MAN1A1: variants seen among roughly 807,000 people sequenced by gnomAD.
The protein encoded by MAN1A1 is mannosidase alpha class 1A member 1, also known as mannosyl-oligosaccharide 1,2-alpha-mannosidase IA.
In MAN1A1, 29 loss-of-function variants were observed where a neutral mutation model predicts 70.8. That is an observed-to-expected ratio of 0.41 (90% CI 0.31 to 0.56). MAN1A1 has a LOEUF of 0.56. Ranked by LOEUF, MAN1A1 falls within the 20% of genes least tolerant of loss-of-function variation. MAN1A1 has a pLI of 0.29. For synonymous variants in MAN1A1, 349 were observed against 330.1 expected, an observed-to-expected ratio of 1.06 and a Z score of -0.62; for missense variants, 747 against 841.3, an observed-to-expected ratio of 0.89 and a Z score of 1.39.
chr6:119,324,418 G>C (rs984057324), intron 2 of MAN1A1, among the ~76,000 whole-genome samples: 2 of 152,112 alleles, frequency 1.3e-5, no homozygotes, highest in Non-Finnish European at 2.9e-5. Context: ...GTTTGGGGGG[G>C]AATCGAAAGT....
intron 5 of MAN1A1, among the ~76,000 whole-genome samples, chr6:119,259,540 A>G (rs1775550411): frequency 6.6e-6 from 1 of 152,218 alleles, no homozygotes; most frequent in African/African-American, 2.4e-5. Context: ...TAATACCATT[A>G]GGCAGGTGGT....
chr6:119,349,979 G>T (rs1773864303), upstream of MAN1A1, among the ~76,000 whole-genome samples: 1 of 152,238 alleles, frequency 6.6e-6, no homozygotes, highest in Admixed American at 6.5e-5. Flanking sequence ...CGCGAGGTAG[G>T]CGGGAGCCGC....
intron 2 of MAN1A1, among the ~76,000 whole-genome samples, chr6:119,326,310 G>A (rs536829174): frequency 2.6e-4 from 40 of 152,282 alleles, no homozygotes; most frequent in African/African-American, 9.1e-4. Flanking sequence ...CTGCAAAGAC[G>A]GAAAAGACGG....
intron 6 of MAN1A1, among the ~76,000 whole-genome samples, chr6:119,209,229 AGAT>A (rs751501302): frequency 1.3e-5 from 2 of 152,234 alleles, no homozygotes; most frequent in Non-Finnish European, 2.9e-5. Context: ...AAAAATTGCC[AGAT>A]GAATATATAA....
intron 2 of MAN1A1, among the ~76,000 whole-genome samples, chr6:119,332,391 T>G (rs1470498374): frequency 6.6e-6 from 1 of 152,342 alleles, no homozygotes; most frequent in East Asian, 1.9e-4. Flanking sequence ...AAGCTGCACT[T>G]TTTATTAAAA....
At chr6:119,300,244 T>C (rs1385224803) in intron 4 of MAN1A1, among the ~76,000 whole-genome samples, 3 of 151,816 alleles carry the variant, frequency 2.0e-5, no homozygotes, top group Admixed American at 6.6e-5. Flanking sequence ...GAAGTTTTTT[T>C]GTTTTGTTTT....
At position 119,201,293 on chromosome 6, in the gene MAN1A1, G is replaced by C. The variant is rs753638106; in HGVS notation, c.1171C>G (p.Pro391Ala). 1 of 1,613,664 alleles carries C rather than the reference G, an allele frequency of 6.2e-7. No homozygotes were observed. The highest frequency in any genetic ancestry group is 8.5e-7 in the Non-Finnish European group (1 of 1,179,630). ...CCACTACTGGGATTCAGATAGTTAG[G>C]ATAAAGGCCTTGTGGTTTTTCCAGT... The part of the protein sequence containing the change: ...NKLEKPQGLY[P>A]NYLNPSSGQW... The change falls in exon 8 of 13, where the codon CCT becomes GCT. Residue 391 changes from proline (P) to alanine (A), a missense_variant. Transcript: ENST00000368468.
At chr6:119,299,445 T>C (rs888598230) in intron 4 of MAN1A1, among the ~76,000 whole-genome samples, 1 of 152,126 alleles carries the variant, frequency 6.6e-6, no homozygotes, top group Non-Finnish European at 1.5e-5. Flanking sequence ...TTTTGAAATA[T>C]GTATATTTAA....
chr6:119,269,397 C>A, intron 5 of MAN1A1: 1 of 201,476 alleles, frequency 5.0e-6, no homozygotes, highest in South Asian at 6.1e-5. Flanking sequence ...TTTTTCTTGT[C>A]ATAGGGCAGT....
At chr6:119,271,795 C>T (rs768742280) in intron 5 of MAN1A1, among the ~76,000 whole-genome samples, 57 of 152,024 alleles carry the variant, frequency 3.7e-4, no homozygotes, top group African/African-American at 3.1e-4. Flanking sequence ...TGAGCCACCA[C>T]GCCCAGCCAA....
chr6:119,221,502 C>G (rs1405145271), intron 6 of MAN1A1, among the ~76,000 whole-genome samples: 1 of 140,250 alleles, frequency 7.1e-6, no homozygotes, highest in Non-Finnish European at 1.5e-5. Context: ...GACAGAGTCT[C>G]ATTTCTGTCA....
chr6:119,278,624 A>G (rs921527934), intron 5 of MAN1A1, among the ~76,000 whole-genome samples: 1 of 152,074 alleles, frequency 6.6e-6, no homozygotes, highest in African/African-American at 2.4e-5. Flanking sequence ...GTGATAATAG[A>G]TATCTGTCCC....
chr6:119,249,805 T>A (rs1177195407), intron 5 of MAN1A1, among the ~76,000 whole-genome samples: 2 of 151,832 alleles, frequency 1.3e-5, no homozygotes, highest in African/African-American at 4.8e-5. Context: ...TTTGGAATCT[T>A]AAAAAAAAAT....
intron 2 of MAN1A1, among the ~76,000 whole-genome samples, chr6:119,346,485 G>A (rs995755827): frequency 2.0e-5 from 3 of 152,316 alleles, no homozygotes; most frequent in African/African-American, 7.2e-5. Context: ...TAGTTCCACT[G>A]CTTTATGCAA....
intron 5 of MAN1A1, among the ~76,000 whole-genome samples, chr6:119,285,972 G>A (rs575702985): frequency 1.2e-4 from 18 of 152,248 alleles, no homozygotes; most frequent in African/African-American, 3.1e-4. Context: ...CTAGGAAACC[G>A]GAAGATACAT....
At chr6:119,350,452 C>A (rs75964071), upstream of MAN1A1, 27,908 of 800,820 alleles carry the variant, frequency 0.035, 522 homozygotes, top group Non-Finnish European at 0.039. Flanking sequence ...TGCGCCCTTT[C>A]TTCCCCCAAA....
chr6:119,210,841 C>T (rs1422574353), intron 6 of MAN1A1: 4 of 448,930 alleles, frequency 8.9e-6, no homozygotes, highest in Non-Finnish European at 1.3e-5. Flanking sequence ...ACATCCACTA[C>T]TTACAGAGCT....
intron 5 of MAN1A1, among the ~76,000 whole-genome samples, chr6:119,254,856 A>G (rs1363830499): frequency 6.6e-6 from 1 of 152,220 alleles, no homozygotes; most frequent in East Asian, 1.9e-4. Flanking sequence ...GCATGTAACT[A>G]ACAAATAACT....
chr6:119,300,267 T>G (rs909856869), intron 4 of MAN1A1, among the ~76,000 whole-genome samples: 10 of 151,878 alleles, frequency 6.6e-5, no homozygotes, highest in East Asian at 1.9e-4. Flanking sequence ...TTTTGTTTTT[T>G]TTTTTTGAGA....
Sources: allele counts gnomAD v4.1 joint callset (sites outside exome capture counted in the v4.1 genomes callset), GRCh38; gene constraint gnomAD v4.1.1; transcripts MANE v1.5; gene names NCBI Gene and HGNC (gene_info 2026-07-23, HGNC 2026-07-21).